The following SLC7A1 variants were observed in gnomAD, a reference collection of about 807,000 sequenced individuals.
SLC7A1 encodes high affinity cationic amino acid transporter 1.
Under a neutral mutation model 53.9 loss-of-function variants are expected in SLC7A1, and 10 were observed. The ratio of observed to expected loss-of-function variants is 0.19; its 90% confidence interval spans 0.11 to 0.31. The LOEUF (loss-of-function observed/expected upper bound fraction) is 0.31, where lower values mean the gene tolerates loss of function less well. SLC7A1 is among the 10% of genes least tolerant of loss of function. SLC7A1 has a pLI of 1.00. For synonymous variants in SLC7A1, 342 were observed against 338.7 expected (o/e 1.01, Z -0.11); for missense variants, 525 against 827.2 (o/e 0.63, Z 4.48).
intron 8 of SLC7A1, 89 bp from the exon 9 acceptor site, chr13:29,519,638 G>T (rs1190802240): frequency 1.3e-6 from 1 of 754,158 alleles, no homozygotes; most frequent in Non-Finnish European, 2.2e-6. Flanking sequence ...ATCCAGGGCA[G>T]CGAAGGGGGC....
intron 1 of SLC7A1, among the ~76,000 whole-genome samples, chr13:29,560,464 T>C (rs1361969204): frequency 2.0e-5 from 3 of 150,058 alleles, no homozygotes; most frequent in African/African-American, 7.4e-5. Context: ...TACATACATA[T>C]ATTACATTAA....
chr13:29,513,273 A>G lies in SLC7A1; in HGVS notation c.*1207T>C, dbSNP rs1883448240. On this transcript the variant is annotated 3_prime_UTR_variant, in exon 13 of 13. Transcript: ENST00000380752. ...ACAGATACACAAAAGGGACAGCAAT[A>G]TGCCTAGAAATCACCTCCCCTGCGA... 6.5e-6 allele frequency: 1 copy of G among 152,684 alleles called. No homozygotes were observed. The highest frequency in any genetic ancestry group is 1.5e-5 in the Non-Finnish European group (1 of 68,052). 9.5% of individuals were successfully genotyped at this position (152,684 alleles called of 1,614,324 possible). A position where few individuals can be genotyped will look rare whatever the true frequency, so the allele number is the denominator to read the frequency against.
At chr13:29,586,127 A>G (rs1871874634) in intron 1 of SLC7A1, among the ~76,000 whole-genome samples, 1 of 152,282 alleles carries the variant, frequency 6.6e-6, no homozygotes, top group Admixed American at 6.5e-5. Flanking sequence ...TTCCAAAAAT[A>G]TAAATGTCAA....
intron 6 of SLC7A1, 111 bp downstream of exon 6, chr13:29,524,021 T>C: frequency 9.8e-7 from 1 of 1,021,468 alleles, no homozygotes; most frequent in South Asian, 1.5e-5. Flanking sequence ...ATGTTGCTCA[T>C]GTGTGAAAGA....
intron 8 of SLC7A1, among the ~76,000 whole-genome samples, chr13:29,520,621 G>A (rs1473545300): frequency 1.3e-5 from 2 of 152,216 alleles, no homozygotes; most frequent in East Asian, 3.9e-4. Context: ...AAAACAACTT[G>A]GCTACATCTG....
chr13:29,514,409 G>A lies in SLC7A1; in HGVS notation c.*71C>T, dbSNP rs1593536459. The A allele has an allele frequency of 9.1e-7, 1 of 1,103,854 alleles. No individual in the cohort carries two copies. The highest frequency in any genetic ancestry group is 2.4e-5 in the East Asian group (1 of 41,588). 68.4% of individuals were successfully genotyped at this position (1,103,854 alleles called of 1,614,324 possible). A position where few individuals can be genotyped will look rare whatever the true frequency, so the allele number is the denominator to read the frequency against. On this transcript the variant is annotated 3_prime_UTR_variant, in exon 13 of 13. Transcript: ENST00000380752. ...GGTTTCTGTTGCACTGGTGGGGAGGGTGGGGTGCCTCCCGGTCCTCTGGGG... is the reference window on the plus strand; with the variant it reads ...GGTTTCTGTTGCACTGGTGGGGAGGATGGGGTGCCTCCCGGTCCTCTGGGG...
At chr13:29,553,314 G>C (rs1179090467) in intron 2 of SLC7A1, among the ~76,000 whole-genome samples, 1 of 152,222 alleles carries the variant, frequency 6.6e-6, no homozygotes, top group African/African-American at 2.4e-5. Flanking sequence ...ACGCATCACA[G>C]CCGCTGTGCT....
At chr13:29,575,389 T>C (rs1357592466) in intron 1 of SLC7A1, among the ~76,000 whole-genome samples, 2 of 152,268 alleles carry the variant, frequency 1.3e-5, no homozygotes, top group Non-Finnish European at 2.9e-5. Flanking sequence ...CCGAGTGCTG[T>C]ATACTGCCTC....
At chr13:29,578,312 G>A (rs529523612) in intron 1 of SLC7A1, among the ~76,000 whole-genome samples, 5 of 151,722 alleles carry the variant, frequency 3.3e-5, no homozygotes, top group East Asian at 1.9e-4. Context: ...TTTGCAAATC[G>A]AACTCTTTGC....
intron 1 of SLC7A1, among the ~76,000 whole-genome samples, chr13:29,595,082 G>A (rs950427298): frequency 7.2e-5 from 11 of 152,146 alleles, no homozygotes; most frequent in African/African-American, 2.7e-4. Flanking sequence ...GTGCGTAGCG[G>A]CGCGCGGGTC....
intron 4 of SLC7A1, among the ~76,000 whole-genome samples, chr13:29,531,837 T>TATAAA (rs557775599): frequency 2.0e-4 from 30 of 152,108 alleles, no homozygotes; most frequent in South Asian, 8.3e-4. Flanking sequence ...CTGTCTCAAA[T>TATAAA]ATAAAATAAA....
At chr13:29,560,209 A>G (rs1307593156) in intron 1 of SLC7A1, among the ~76,000 whole-genome samples, 1 of 151,994 alleles carries the variant, frequency 6.6e-6, no homozygotes, top group Admixed American at 6.6e-5. Flanking sequence ...GGGCCTACAC[A>G]TAGCCAGGAT....
chr13:29,556,672 C>T (rs1870453734), intron 1 of SLC7A1, among the ~76,000 whole-genome samples: 1 of 152,216 alleles, frequency 6.6e-6, no homozygotes, highest in African/African-American at 2.4e-5. Flanking sequence ...TGCCACTGCA[C>T]CCGGCCAAAA....
rs774516814 is a variant in SLC7A1, at chr13:29,523,427, G to A, written c.888C>T (p.Ile296=). The change falls in exon 7 of 13, where the codon ATC becomes ATT. Residue 296 remains isoleucine (I), a synonymous_variant. Coordinates refer to ENST00000380752, the MANE Select transcript of SLC7A1 (RefSeq NM_003045.5). The part of the protein sequence containing the change: ...IPVGIVASLL[I]CFIAYFGVSA... Reference sequence around the variant, plus strand: ...ACACCCCAAAGTAGGCGATGAAGCAGATCAAGAGGGACGCCACGATCCCCA... The same window carrying A: ...ACACCCCAAAGTAGGCGATGAAGCAAATCAAGAGGGACGCCACGATCCCCA... The A allele has an allele frequency of 1.2e-6, 2 of 1,614,020 alleles. No individual in the cohort carries two copies. The highest frequency in any genetic ancestry group is 1.7e-6 in the Non-Finnish European group (2 of 1,180,032).
rs1883362521 is a variant in SLC7A1, at chr13:29,510,700, T to A, written c.*3780A>T. On this transcript the variant is annotated 3_prime_UTR_variant, in exon 13 of 13. Transcript: ENST00000380752. ...CACACACCCCAGAACGCAGCTGTGC[T>A]GGAGTTGGGCACAAAGGCCCCTCAC... The A allele has an allele frequency of 6.6e-6, 1 of 152,242 alleles. No homozygotes were observed. Among genetic ancestry groups the A allele is most frequent in the Admixed American group, 6.5e-5 (1 of 15,284 alleles). 9.4% of individuals were successfully genotyped at this position (152,242 alleles called of 1,614,324 possible).
At position 29,509,635 on chromosome 13, in the gene SLC7A1, A is replaced by G. The variant is rs186074959; in HGVS notation, c.*4845T>C. ...AGCAGGAGAGACCCAGCAGAGACCA[A>G]CCTGATTTGCAGTTAGCATCAGAAT... On this transcript the variant is annotated 3_prime_UTR_variant, in exon 13 of 13. Coordinates refer to ENST00000380752, the MANE Select transcript of SLC7A1 (RefSeq NM_003045.5). 1 of 152,682 alleles carries G rather than the reference A, an allele frequency of 6.5e-6. No homozygotes were observed. Among genetic ancestry groups the G allele is most frequent in the East Asian group, 1.9e-4 (1 of 5,186 alleles). The allele number at this position is 152,682 out of a possible 1,614,324, so 9.5% of individuals were successfully genotyped here.
intron 3 of SLC7A1, among the ~76,000 whole-genome samples, chr13:29,534,553 A>G (rs1046638070): frequency 3.9e-5 from 6 of 152,220 alleles, no homozygotes; most frequent in Non-Finnish European, 5.9e-5. Context: ...TGCTGGAAAG[A>G]AAGAGAAGGT....
At chr13:29,568,481 A>T (rs1871060255) in intron 1 of SLC7A1, among the ~76,000 whole-genome samples, 1 of 152,196 alleles carries the variant, frequency 6.6e-6, no homozygotes, top group African/African-American at 2.4e-5. Context: ...GTGAACTCTT[A>T]AGGTGCTAGT....
At chr13:29,522,548 A>C in intron 7 of SLC7A1, 92 bp from the exon 8 acceptor site, 3 of 1,419,370 alleles carry the variant, frequency 2.1e-6, no homozygotes, top group Non-Finnish European at 2.9e-6. Flanking sequence ...CACGGAGGAG[A>C]GGGAGTCTGA....
Sources: allele counts gnomAD v4.1 joint callset (sites outside exome capture counted in the v4.1 genomes callset), GRCh38; gene constraint gnomAD v4.1.1; transcripts MANE v1.5; gene names NCBI Gene and HGNC (gene_info 2026-07-23, HGNC 2026-07-21).